Variants in RHBDL2 observed in about 807,000 individuals in gnomAD.
RHBDL2 encodes the protein rhomboid like 2.
RHBDL2 carries 26 observed loss-of-function variants against 31.7 expected under a neutral mutation model. The ratio of observed to expected loss-of-function variants is 0.82; its 90% CI spans 0.60 to 1.14. RHBDL2 has a LOEUF of 1.14. Ranked by LOEUF, RHBDL2 falls within the 50% of genes most tolerant of loss-of-function variation. RHBDL2 has a pLI of 0.00. For missense variants in RHBDL2, 336 were observed against 364.4 expected (o/e 0.92, Z 0.63); for synonymous variants, 123 against 127.2 (o/e 0.97, Z 0.22).
At chr1:38,917,017 C>CT (rs547654933) in intron 2 of RHBDL2, among the ~76,000 whole-genome samples, 18,687 of 119,914 alleles carry the variant, frequency 0.16, 2,040 homozygotes, top group Non-Finnish European at 0.21. Flanking sequence ...CAGGAACTTT[C>CT]TTTTTTTTTT....
chr1:38,902,424 AT>A (rs55866849), intron 4 of RHBDL2, among the ~76,000 whole-genome samples: 111,685 of 127,852 alleles, frequency 0.87, 48,740 homozygotes, highest in Non-Finnish European at 0.91. Flanking sequence ...TTTTTTTATT[AT>A]TTTTTTTTTT....
At chr1:38,911,683 A>C in intron 3 of RHBDL2, among the ~76,000 whole-genome samples, 1 of 150,510 alleles carries the variant, frequency 6.6e-6, no homozygotes, top group African/African-American at 2.5e-5. Context: ...TGTGTCTCCC[A>C]GCCAGGGGTG....
At chr1:38,941,547 G>A (rs1201469824) in intron 1 of RHBDL2, 135 bp downstream of exon 1, 2 of 152,332 alleles carry the variant, frequency 1.3e-5, no homozygotes. Context: ...CACTCCAGAA[G>A]GGGGGTTACC....
intron 4 of RHBDL2, among the ~76,000 whole-genome samples, chr1:38,904,420 C>G (rs1260686922): frequency 1.3e-5 from 2 of 151,364 alleles, no homozygotes; most frequent in South Asian, 4.2e-4. Context: ...TGCAGTGAGC[C>G]GAGATTGCGC....
chr1:38,920,225 TGGTG>T (rs1643293867), intron 1 of RHBDL2, among the ~76,000 whole-genome samples: 1 of 137,000 alleles, frequency 7.3e-6, no homozygotes, highest in Non-Finnish European at 1.5e-5. Context: ...TGGAGTCCAG[TGGTG>T]CGATCTCGGC....
chr1:38,911,602 CTGTGTGTG>C (rs56978792), intron 3 of RHBDL2, among the ~76,000 whole-genome samples, 168 bp from the exon 4 acceptor site: 17,417 of 141,990 alleles, frequency 0.12, 1,122 homozygotes, highest in South Asian at 0.2. Context: ...TTTCTTTTTT[CTGTGTGTG>C]TGTGTGTGTG....
At chr1:38,911,796 C>T (rs1643152040) in intron 3 of RHBDL2, among the ~76,000 whole-genome samples, 1 of 151,732 alleles carries the variant, frequency 6.6e-6, no homozygotes, top group Non-Finnish European at 1.5e-5. Flanking sequence ...TGTGCCACCA[C>T]TCCTGGCTAA....
intron 1 of RHBDL2, among the ~76,000 whole-genome samples, chr1:38,928,843 T>C (rs550894768): frequency 6.6e-6 from 1 of 152,252 alleles, no homozygotes; most frequent in South Asian, 2.1e-4. Flanking sequence ...GGAGGATTGC[T>C]TGAGGCCAGG....
intron 1 of RHBDL2, chr1:38,926,142 G>C: frequency 9.1e-7 from 1 of 1,097,604 alleles, no homozygotes; most frequent in Non-Finnish European, 1.1e-6. Context: ...AGGCAGCTAG[G>C]GCAGCTTGAC....
chr1:38,923,584 G>C (rs558007526), intron 1 of RHBDL2, among the ~76,000 whole-genome samples: 3 of 152,178 alleles, frequency 2.0e-5, no homozygotes, highest in Non-Finnish European at 4.4e-5. Flanking sequence ...GGGATACAGC[G>C]TTCAGAAACA....
chr1:38,890,530 ATC>A (rs1292175581), intron 6 of RHBDL2, among the ~76,000 whole-genome samples: 3 of 152,074 alleles, frequency 2.0e-5, no homozygotes, highest in Admixed American at 2.0e-4. Context: ...CCCTTCCTAT[ATC>A]TGAGTCTGGT....
intron 1 of RHBDL2, among the ~76,000 whole-genome samples, chr1:38,927,991 C>A (rs954992345): frequency 2.6e-5 from 4 of 152,046 alleles, no homozygotes; most frequent in Admixed American, 1.3e-4. Context: ...GTGATTTCTA[C>A]GCACCAAGTG....
At chr1:38,898,106 G>A (rs1297601841) in intron 4 of RHBDL2, among the ~76,000 whole-genome samples, 1 of 152,178 alleles carries the variant, frequency 6.6e-6, no homozygotes, top group Non-Finnish European at 1.5e-5. Context: ...ACCCCAGCCT[G>A]GGCAACAAGA....
chr1:38,908,892 C>T (rs1643103932), intron 4 of RHBDL2, among the ~76,000 whole-genome samples: 2 of 152,156 alleles, frequency 1.3e-5, no homozygotes, highest in African/African-American at 4.8e-5. Flanking sequence ...ATGGATAACA[C>T]GTGGGCTTGG....
chr1:38,901,473 AAAG>A (rs1642988434), intron 4 of RHBDL2, among the ~76,000 whole-genome samples: 4 of 150,988 alleles, frequency 2.6e-5, no homozygotes, highest in South Asian at 2.1e-4. Context: ...AAAAAAAAAA[AAAG>A]AAAGAAAGAA....
At chr1:38,889,189 G>T (rs1006131192) in intron 6 of RHBDL2, among the ~76,000 whole-genome samples, 4 of 152,092 alleles carry the variant, frequency 2.6e-5, no homozygotes, top group African/African-American at 9.7e-5. Context: ...CGCCTCCCAG[G>T]TTCAAGCAAT....
Position 38,929,616 on chromosome 1 carries a change from G to A in RHBDL2, c.-125-10279C>T, listed in dbSNP as rs1224330159. On this transcript the variant is annotated intron_variant, in intron 1 of 7. Coordinates refer to ENST00000372990, the MANE Select transcript of RHBDL2 (RefSeq NM_017821.5). The stretch of plus-strand genomic sequence containing the variant: ...TGCCGGGGCTGAGACCCGCCTTGAT[G>A]TGGCTGGGGAGCTCAGGAGGCTGGG... 4.8e-6 allele frequency: 6 copies of A among 1,258,844 alleles called. No individual in the cohort carries two copies. In the Admixed American group the frequency reaches 1.2e-4, roughly 25 times the overall value. 78.0% of individuals were successfully genotyped at this position (1,258,844 alleles called of 1,614,324 possible). A position where few individuals can be genotyped will look rare whatever the true frequency, so the allele number is the denominator to read the frequency against.
chr1:38,925,750 A>T (rs930489816), intron 1 of RHBDL2, among the ~76,000 whole-genome samples: 1 of 152,164 alleles, frequency 6.6e-6, no homozygotes, highest in African/African-American at 2.4e-5. Context: ...TATCACTGGC[A>T]CTATTGGATT....
intron 4 of RHBDL2, among the ~76,000 whole-genome samples, chr1:38,909,116 C>T (rs1323205655): frequency 6.6e-6 from 1 of 152,112 alleles, no homozygotes; most frequent in African/African-American, 2.4e-5. Context: ...TCTCGACATC[C>T]TGCTGCTTGT....
Sources: allele counts gnomAD v4.1 joint callset (sites outside exome capture counted in the v4.1 genomes callset), GRCh38; gene constraint gnomAD v4.1.1; transcripts MANE v1.5; gene names NCBI Gene and HGNC (gene_info 2026-07-23, HGNC 2026-07-21).